NFASC: variants seen among roughly 807,000 people sequenced by gnomAD.
The protein encoded by NFASC is neurofascin homolog.
A neutral mutation model predicts 147.5 loss-of-function variants in NFASC; 43 were observed. That is an observed-to-expected ratio of 0.29 (90% CI 0.23 to 0.38). NFASC has a LOEUF of 0.38. Ranked by LOEUF, NFASC falls within the 10% of genes least tolerant of loss-of-function variation. The pLI is 1.00. For synonymous variants in NFASC, 622 were observed against 665.5 expected (o/e 0.93, Z 1.01); for missense variants, 1,320 against 1,689.0 (o/e 0.78, Z 3.83).
rs182027065 is a variant in NFASC at position 204,853,351 on chromosome 1, T to G, written c.-200+24569T>G. On this transcript the variant is annotated intron_variant, in intron 1 of 29. Transcript: ENST00000339876. The stretch of plus-strand genomic sequence containing the variant: ...CCCCATAATCACATTAGCTCATATT[T>G]TTGTATGTTAATCCTCTTCAACTTT... Among the ~76,000 whole-genome samples, 13 of 152,294 alleles carry G rather than the reference T, an allele frequency of 8.5e-5. No individual in the cohort carries two copies. In the East Asian group the frequency reaches 2.5e-3, roughly 29 times the overall value.
At chr1:204,965,681 C>T (rs2094912239) in intron 8 of NFASC, among the ~76,000 whole-genome samples, 1 of 152,206 alleles carries the variant, frequency 6.6e-6, no homozygotes, top group East Asian at 1.9e-4. Context: ...ACCAGAGCAG[C>T]TCACTAAGAC....
chr1:204,925,825 T>A (rs1418607675), intron 2 of NFASC, among the ~76,000 whole-genome samples: 4 of 152,170 alleles, frequency 2.6e-5, no homozygotes, highest in African/African-American at 9.7e-5. Context: ...GTCCAGATGG[T>A]GGGTCCTCAG....
chr1:204,888,843 G>C (rs1219400537), intron 1 of NFASC, among the ~76,000 whole-genome samples: 1 of 152,208 alleles, frequency 6.6e-6, no homozygotes, highest in Non-Finnish European at 1.5e-5. Flanking sequence ...ACATGGGTTG[G>C]TTTTCACCAC....
chr1:205,009,844 A>C, intron 28 of NFASC, 156 bp downstream of exon 28: 1 of 791,872 alleles, frequency 1.3e-6, no homozygotes, highest in East Asian at 2.7e-5. Flanking sequence ...GCATCTTCAG[A>C]CTGCCAGCGA....
intron 1 of NFASC, among the ~76,000 whole-genome samples, chr1:204,836,913 T>A (rs2102426381): frequency 6.6e-6 from 1 of 152,396 alleles, no homozygotes; most frequent in Middle Eastern, 3.4e-3. Context: ...TCTGCAGTTA[T>A]TATTTGAAGA....
chr1:204,933,102 AG>A (rs2092513443), intron 2 of NFASC, among the ~76,000 whole-genome samples: 1 of 152,202 alleles, frequency 6.6e-6, no homozygotes, highest in Non-Finnish European at 1.5e-5. Context: ...TGCACTCAGA[AG>A]TATGGGTCTG....
At chr1:204,881,391 T>C (rs2080194525) in intron 1 of NFASC, among the ~76,000 whole-genome samples, 1 of 152,226 alleles carries the variant, frequency 6.6e-6, no homozygotes, top group Admixed American at 6.5e-5. Context: ...CTGATTGTAT[T>C]AAAAGTAATG....
At chr1:204,992,854 T>G (rs977592195) in intron 24 of NFASC, among the ~76,000 whole-genome samples, 2 of 152,080 alleles carry the variant, frequency 1.3e-5, no homozygotes, top group Non-Finnish European at 1.5e-5. Context: ...CTCTACTGAG[T>G]GGGTGAGAGG....
chr1:204,872,038 G>C (rs1394239429), intron 1 of NFASC, among the ~76,000 whole-genome samples: 1 of 152,150 alleles, frequency 6.6e-6, no homozygotes, highest in Non-Finnish European at 1.5e-5. Flanking sequence ...AGTTTTGTTT[G>C]GGTTGAAGAT....
Position 204,985,110 on chromosome 1 carries a change from A to G in NFASC, c.2471-2308A>G, listed in dbSNP as rs182570839. 2.7e-3 allele frequency among the ~76,000 whole-genome samples: 412 copies of G among 152,310 alleles called. 2 individuals carry two copies. Among genetic ancestry groups the G allele is most frequent in the Middle Eastern group, 0.02 (6 of 294 alleles). ...AGATTTTTCTGGCTAAAGCTTCCCC[A>G]TGGGTCCCCCTCTAAGTCTGGACCC... On this transcript the variant is annotated intron_variant, in intron 21 of 29. Coordinates refer to ENST00000339876, the MANE Select transcript of NFASC (RefSeq NM_001005388.3).
At chr1:204,982,871 G>T (rs2095536413) in intron 21 of NFASC, among the ~76,000 whole-genome samples, 1 of 152,206 alleles carries the variant, frequency 6.6e-6, no homozygotes, top group Non-Finnish European at 1.5e-5. Context: ...GAACTTAGAA[G>T]GAGCAGTCAA....
At chr1:204,842,860 A>G (rs1675767251) in intron 1 of NFASC, among the ~76,000 whole-genome samples, 1 of 152,128 alleles carries the variant, frequency 6.6e-6, no homozygotes, top group East Asian at 1.9e-4. Flanking sequence ...CAGTGGGGCC[A>G]TCAGTGTGTT....
At position 204,921,188 on chromosome 1, in the gene NFASC, G is replaced by A. The variant is rs561406951; in HGVS notation, c.-91+448G>A. 6.6e-5 allele frequency among the ~76,000 whole-genome samples: 10 copies of A among 152,302 alleles called. No individual in the cohort carries two copies. In the East Asian group the frequency reaches 1.7e-3, roughly 27 times the overall value. ...CTGGCAGATGGACAGTTATCCAGGC[G>A]CAGTAAGCAGCCAAGGCCCACAGCA... On this transcript the variant is annotated intron_variant, in intron 2 of 29. Transcript: ENST00000339876.
In NFASC at chr1:204,957,908, A is replaced by G. The variant is rs1269483377; in HGVS notation, c.706+82A>G. The G allele has an allele frequency of 3.1e-5, 41 of 1,314,312 alleles. 1 individual carries two copies. Among genetic ancestry groups the G allele is most frequent in the Non-Finnish European group, 4.3e-5 (40 of 920,452 alleles). The allele number at this position is 1,314,312 out of a possible 1,614,324, so 81.4% of individuals were successfully genotyped here. A position where few individuals can be genotyped will look rare whatever the true frequency, so the allele number is the denominator to read the frequency against. On this transcript the variant is annotated intron_variant, in intron 8 of 29. Transcript: ENST00000339876. ...CACCCAGCCCTAGGTACCTGAGTCTATAGGGGGAGACTTGTCCTTGAGGCT... is the reference window on the plus strand; with the variant it reads ...CACCCAGCCCTAGGTACCTGAGTCTGTAGGGGGAGACTTGTCCTTGAGGCT...
intron 1 of NFASC, among the ~76,000 whole-genome samples, chr1:204,865,652 A>G (rs1312842434): frequency 6.6e-6 from 1 of 152,208 alleles, no homozygotes; most frequent in Non-Finnish European, 1.5e-5. Flanking sequence ...TCCTTATCCC[A>G]CTACAACACT....
At position 205,001,237 on chromosome 1, in the gene NFASC, GA is replaced by G; in HGVS notation, c.3089del (p.Lys1030SerfsTer35). 6.2e-7 allele frequency: 1 copy of G among 1,612,832 alleles called. No individual in the cohort carries two copies. Among genetic ancestry groups the G allele is most frequent in the South Asian group, 1.1e-5 (1 of 90,726 alleles). Reference protein sequence around the residue: ...PNSKWANITWKHNFGPGTDFV... With the variant: ...PNSKWANITWXHNFGPGTDFV... ...ACAGTAAATGGGCCAACATCACCTG[GA>G]AGCACAATTTCGGGCCCGGAACTGA... is the stretch of plus-strand genomic sequence containing the variant. On this transcript the variant is annotated frameshift_variant, in exon 26 of 30. Coordinates refer to ENST00000339876, the MANE Select transcript of NFASC (RefSeq NM_001005388.3). LOFTEE classifies it high-confidence loss of function.
chr1:204,887,314 G>A (rs1326650983), intron 1 of NFASC, among the ~76,000 whole-genome samples: 1 of 152,208 alleles, frequency 6.6e-6, no homozygotes, highest in Non-Finnish European at 1.5e-5. Context: ...CATCCAGGTT[G>A]TAGCATGAGT....
chr1:204,993,796 G>T (rs775130616), intron 24 of NFASC: 9 of 517,704 alleles, frequency 1.7e-5, no homozygotes, highest in African/African-American at 1.5e-4. Flanking sequence ...GTGCTGCTCT[G>T]TTGGTAAGCC....
At chr1:204,830,711 CT>C (rs767712975) in intron 1 of NFASC, among the ~76,000 whole-genome samples, 60 of 152,098 alleles carry the variant, frequency 3.9e-4, no homozygotes, top group Non-Finnish European at 3.1e-4. Flanking sequence ...CTCACTCCCA[CT>C]TAGCCCCAGA....
Sources: allele counts gnomAD v4.1 joint callset (sites outside exome capture counted in the v4.1 genomes callset), GRCh38; gene constraint gnomAD v4.1.1; transcripts MANE v1.5; gene names NCBI Gene and HGNC (gene_info 2026-07-23, HGNC 2026-07-21).